The following RDH13 variants were observed in gnomAD, a reference collection of about 807,000 sequenced individuals.
RDH13 encodes the protein retinol dehydrogenase 13 (all-trans and 9-cis).
In RDH13, 35 loss-of-function variants were observed where a neutral mutation model predicts 28.3. That is an observed-to-expected ratio of 1.24 (90% CI 0.95 to 1.64). The LOEUF (loss-of-function observed/expected upper bound fraction) is 1.64. Ranked by LOEUF, RDH13 falls within the 40% of genes most tolerant of loss-of-function variation. The pLI is 0.00. For synonymous variants in RDH13, 229 were observed against 198.5 expected (o/e 1.15, Z -1.29); for missense variants, 514 against 446.3 (o/e 1.15, Z -1.37).
intron 3 of RDH13, among the ~76,000 whole-genome samples, chr19:55,051,798 T>C (rs2075447624): frequency 6.6e-6 from 1 of 151,392 alleles, no homozygotes; most frequent in African/African-American, 2.4e-5. Context: ...AGTGGCGCGA[T>C]CTCAGCTCAC....
chr19:55,045,564 TCCTC>T (rs2075195401), intron 6 of RDH13, among the ~76,000 whole-genome samples: 1 of 152,110 alleles, frequency 6.6e-6, no homozygotes, highest in Non-Finnish European at 1.5e-5. Flanking sequence ...GAAGCTCTCT[TCCTC>T]TTGGTCAGCC....
At chr19:55,064,431 C>T, upstream of RDH13, 1 of 142,398 alleles carries the variant, frequency 7.0e-6, no homozygotes, top group South Asian at 2.3e-4. Context: ...AAAAAAAAAA[C>T]CTTAGGCCTG....
Position 55,045,226 on chromosome 19 carries a change from C to A in RDH13, c.844G>T (p.Asp282Tyr), listed in dbSNP as rs1361884428. The A allele has an allele frequency of 6.2e-7, 1 of 1,613,450 alleles. No homozygotes were observed. Among genetic ancestry groups the A allele is most frequent in the Admixed American group, 1.7e-5 (1 of 60,028 alleles). Residue 282 changes from aspartate to tyrosine, a missense_variant, in exon 7 of 7, where the codon GAT becomes TAT. By Grantham distance (160) the Asp-to-Tyr change is radical (BLOSUM62 -3). Coordinates refer to ENST00000415061, the MANE Select transcript of RDH13 (RefSeq NM_001145971.2). ...TYLAVAEELADVSGKYFDGLK... is the reference protein window; with the variant it reads ...TYLAVAEELAYVSGKYFDGLK... ...CCATCGAAGTACTTTCCGGAAACAT[C>A]CGCCAGTTCCTCCGCCACGGCCAGG...
intron 2 of RDH13, among the ~76,000 whole-genome samples, chr19:55,057,596 A>AT (rs911394713): frequency 6.6e-6 from 1 of 151,404 alleles, no homozygotes; most frequent in Non-Finnish European, 1.5e-5. Flanking sequence ...CAACTAGCTA[A>AT]TTTTTTATTT....
intron 5 of RDH13, 94 bp from the exon 6 acceptor site, chr19:55,047,582 C>T: frequency 6.7e-7 from 1 of 1,485,222 alleles, no homozygotes; most frequent in Non-Finnish European, 8.9e-7. Context: ...TTCCGGGCAC[C>T]AGGCTGCTTC....
chr19:55,063,252 G>C, upstream of RDH13: 1 of 404,344 alleles, frequency 2.5e-6, no homozygotes, highest in Non-Finnish European at 4.3e-6. Flanking sequence ...GGTCCTGAGC[G>C]CTGTCACAGC....
intron 2 of RDH13, among the ~76,000 whole-genome samples, chr19:55,057,579 C>T (rs1335892348): frequency 6.6e-6 from 1 of 151,690 alleles, no homozygotes; most frequent in Admixed American, 6.6e-5. Context: ...ATTACAGGCA[C>T]CTACCACAAC....
In RDH13 at chr19:55,057,435, C is replaced by CTT. The variant is rs35843215; in HGVS notation, c.185-629_185-628dup. On this transcript the variant is annotated intron_variant, in intron 2 of 6. Transcript: ENST00000415061. ...AGGCAAGAGGATTCCCCATCCTCTCCTTTTTTTTTTTTTTTTAGATGGAGT... is the reference window on the plus strand; with the variant it reads ...AGGCAAGAGGATTCCCCATCCTCTCCTTTTTTTTTTTTTTTTTTAGATGGAGT... Among the ~76,000 whole-genome samples, 1,277 of 136,940 alleles carry CTT rather than the reference C, an allele frequency of 9.3e-3. 17 individuals are homozygous for CTT. Among genetic ancestry groups the CTT allele is most frequent in the African/African-American group, 0.026 (944 of 36,902 alleles). The allele number at this position is 136,940 out of a possible 152,430, so 89.8% of individuals were successfully genotyped here. A position where few individuals can be genotyped will look rare whatever the true frequency, so the allele number is the denominator to read the frequency against.
chr19:55,066,404 G>C (rs564986611), upstream of RDH13, among the ~76,000 whole-genome samples: 14 of 151,238 alleles, frequency 9.3e-5, no homozygotes, highest in Non-Finnish European at 1.3e-4. Flanking sequence ...TCCTCTCTCT[G>C]TCTCCTTTTC....
At chr19:55,056,579 C>G in intron 3 of RDH13, 74 bp downstream of exon 3, 7 of 1,540,390 alleles carry the variant, frequency 4.5e-6, no homozygotes, top group Non-Finnish European at 6.2e-6. Context: ...TTGCTTGCTT[C>G]ATTCACTTCT....
chr19:55,052,782 CT>C (rs376382524), intron 3 of RDH13, among the ~76,000 whole-genome samples: 5 of 152,000 alleles, frequency 3.3e-5, no homozygotes, highest in African/African-American at 1.2e-4. Flanking sequence ...CTGCCTCAGC[CT>C]CCCAAGTAGC....
rs766443365 is a variant in RDH13 at position 55,063,026 on chromosome 19, G to A, written c.7C>T (p.Arg3Cys). ...AGCGCCGACAGCGGCAGCAGGTAGC[G>A]GCTCATGCCGGGCCGGGGACAGGCG... is the stretch of plus-strand genomic sequence containing the variant. MS[R>C]YLLPLSALGT... Residue 3 changes from arginine (R) to cysteine (C), a missense_variant, in exon 1 of 7, where the codon CGC becomes TGC. Coordinates refer to ENST00000415061, the MANE Select transcript of RDH13 (RefSeq NM_001145971.2). The A allele has an allele frequency of 7.0e-7, 1 of 1,432,098 alleles. No homozygotes were observed. The highest frequency in any genetic ancestry group is 9.1e-7 in the Non-Finnish European group (1 of 1,095,436). 88.7% of individuals were successfully genotyped at this position (1,432,098 alleles called of 1,614,324 possible).
chr19:55,052,033 G>A (rs919222675), intron 3 of RDH13, among the ~76,000 whole-genome samples: 1 of 144,112 alleles, frequency 6.9e-6, no homozygotes, highest in South Asian at 2.2e-4. Context: ...TGCCTGGCCT[G>A]TTGTTTTGTT....
chr19:55,047,367 C>T lies in RDH13; in HGVS notation c.760+20G>A, dbSNP rs556243843. On this transcript the variant is annotated intron_variant, in intron 6 of 6. Coordinates refer to ENST00000415061, the MANE Select transcript of RDH13 (RefSeq NM_001145971.2). ...GGTGGAGGGCTCCACGTGGAGACCCCAGGCTGGGAGGGGACTCACCGAGTG... is the reference window on the plus strand; with the variant it reads ...GGTGGAGGGCTCCACGTGGAGACCCTAGGCTGGGAGGGGACTCACCGAGTG... The T allele has an allele frequency of 1.2e-6, 2 of 1,608,246 alleles. No homozygotes were observed. The highest frequency in any genetic ancestry group is 1.3e-5 in the African/African-American group (1 of 74,998).
chr19:55,053,201 C>T (rs551312233), intron 3 of RDH13, among the ~76,000 whole-genome samples: 1 of 152,300 alleles, frequency 6.6e-6, no homozygotes, highest in Admixed American at 6.5e-5. Context: ...AACCGCTGCA[C>T]CTGGCCTGCC....
chr19:55,050,125 TGG>T (rs33938316), intron 3 of RDH13, among the ~76,000 whole-genome samples: 4 of 47,352 alleles, frequency 8.4e-5, no homozygotes, highest in Admixed American at 2.5e-4. Context: ...TTTTTTTTTT[TGG>T]GGGGGGGAGA....
chr19:55,052,086 T>TTG (rs2075461869), intron 3 of RDH13, among the ~76,000 whole-genome samples: 1 of 138,344 alleles, frequency 7.2e-6, no homozygotes, highest in African/African-American at 2.7e-5. Context: ...TTTTTTTTTT[T>TTG]GGACACAGGG....
chr19:55,061,912 G>A (rs1029788355), intron 1 of RDH13, among the ~76,000 whole-genome samples: 2 of 152,114 alleles, frequency 1.3e-5, no homozygotes, highest in African/African-American at 4.8e-5. Flanking sequence ...TTGGTCGGGA[G>A]CTCAAGACCA....
chr19:55,048,220 G>A, intron 5 of RDH13, 109 bp downstream of exon 5: 3 of 1,556,304 alleles, frequency 1.9e-6, no homozygotes, highest in Non-Finnish European at 2.6e-6. Flanking sequence ...TACTTTTGCT[G>A]ACTCTGTTCT....
Sources: allele counts gnomAD v4.1 joint callset (sites outside exome capture counted in the v4.1 genomes callset), GRCh38; gene constraint gnomAD v4.1.1; transcripts MANE v1.5; gene names NCBI Gene and HGNC (gene_info 2026-07-23, HGNC 2026-07-21).